Variants in BIN3 observed in about 807,000 individuals in gnomAD.
BIN3 encodes the protein bridging integrator 3.
In BIN3, 41 loss-of-function variants were observed where a neutral mutation model predicts 38.2. The observed-to-expected ratio is 1.07, with a 90% CI of 0.84 to 1.39. The LOEUF (loss-of-function observed/expected upper bound fraction) is 1.39, where lower values mean the gene tolerates loss of function less well. Among genes scored for constraint, BIN3 ranks in the 40% most tolerant of loss-of-function variants. The probability of loss-of-function intolerance (pLI) is 0.00; values close to 1 mark genes in which losing one functional copy is unlikely to be tolerated. For synonymous variants in BIN3, 145 were observed against 122.6 expected (o/e 1.18, Z -1.21); for missense variants, 361 against 324.3 (o/e 1.11, Z -0.87).
rs1019789946 is a variant in BIN3 at position 22,621,312 on chromosome 8, A to G, written c.*110T>C. ...ATTCATTGCAAAGGGCCGGCAAGTG[A>G]ACCAGGGCCACCTCTGTCCCCAGCC... On this transcript the variant is annotated 3_prime_UTR_variant, in exon 9 of 9. Transcript: ENST00000276416. 26 of 1,409,490 alleles carry G rather than the reference A, an allele frequency of 1.8e-5. No individual in the cohort carries two copies. The African/African-American group carries it at 2.9e-4, about 16-fold the overall frequency. 87.3% of individuals were successfully genotyped at this position (1,409,490 alleles called of 1,614,324 possible). A position where few individuals can be genotyped will look rare whatever the true frequency, so the allele number is the denominator to read the frequency against.
At chr8:22,635,080 C>G (rs905500703) in intron 4 of BIN3, among the ~76,000 whole-genome samples, 1 of 152,190 alleles carries the variant, frequency 6.6e-6, no homozygotes, top group Non-Finnish European at 1.5e-5. Flanking sequence ...GGTCAGCGTG[C>G]ACCACCTTAG....
chr8:22,634,005 T>C (rs2003908), intron 4 of BIN3, among the ~76,000 whole-genome samples: 101,536 of 152,152 alleles, frequency 0.67, 34,158 homozygotes, highest in East Asian at 0.77. Flanking sequence ...TCCACAGCCA[T>C]GGACGGTGCG....
rs772201020 is a variant in BIN3, at chr8:22,621,598, C to T, written c.616-30G>A. 1.9e-6 allele frequency: 3 copies of T among 1,609,178 alleles called. No homozygotes were observed. The African/African-American group carries it at 4.0e-5, about 21-fold the overall frequency. ...GGGAGGCGACAGGGGTTGGCACGTGCTGGCTCCAGGGAACCGTGTGCTTCA... is the reference window on the plus strand; with the variant it reads ...GGGAGGCGACAGGGGTTGGCACGTGTTGGCTCCAGGGAACCGTGTGCTTCA... On this transcript the variant is annotated intron_variant, in intron 8 of 8. Coordinates refer to ENST00000276416, the MANE Select transcript of BIN3 (RefSeq NM_018688.6).
intron 3 of BIN3, 88 bp from the exon 4 acceptor site, chr8:22,636,674 G>A: frequency 7.4e-7 from 1 of 1,357,768 alleles, no homozygotes; most frequent in Non-Finnish European, 1.0e-6. Flanking sequence ...CTGCCAAGGA[G>A]GAGGAGAAAG....
At chr8:22,665,833 T>A (rs1010500440) in intron 1 of BIN3, among the ~76,000 whole-genome samples, 4 of 152,020 alleles carry the variant, frequency 2.6e-5, no homozygotes, top group Non-Finnish European at 5.9e-5. Flanking sequence ...AACACCAAAG[T>A]GTGAAGGGCA....
At chr8:22,627,328 T>G (rs1263704040) in intron 6 of BIN3, among the ~76,000 whole-genome samples, 3 of 141,894 alleles carry the variant, frequency 2.1e-5, no homozygotes, top group African/African-American at 2.6e-5. Flanking sequence ...ACCAGGACTC[T>G]GTCACATCTG....
At chr8:22,660,569 C>T (rs1372732469) in intron 1 of BIN3, among the ~76,000 whole-genome samples, 5 of 152,232 alleles carry the variant, frequency 3.3e-5, no homozygotes, top group Non-Finnish European at 7.3e-5. Context: ...TGGATGGAAA[C>T]TGACTTCTAG....
At chr8:22,664,748 G>A (rs946984608) in intron 1 of BIN3, among the ~76,000 whole-genome samples, 2 of 152,236 alleles carry the variant, frequency 1.3e-5, no homozygotes, top group Non-Finnish European at 2.9e-5. Flanking sequence ...AAGTTACCAA[G>A]GGGGATCATA....
At position 22,621,475 on chromosome 8, in the gene BIN3, T is replaced by TCTCCCG; in HGVS notation, c.703_708dup (p.Arg235_Glu236dup). ...CGGAGCTCACTGAGTTTGGCCTCGT[T>TCTCCCG]CTCCCGCTCCCGCTGCTCATCGGAG... On this transcript the variant is annotated inframe_insertion, in exon 9 of 9. Transcript: ENST00000276416. 5.0e-6 allele frequency: 8 copies of TCTCCCG among 1,613,866 alleles called. 1 individual carries two copies. The South Asian group carries it at 7.7e-5, about 16-fold the overall frequency.
At chr8:22,658,926 C>T (rs939832816) in intron 1 of BIN3, among the ~76,000 whole-genome samples, 31 of 152,186 alleles carry the variant, frequency 2.0e-4, no homozygotes, top group Admixed American at 7.9e-4. Context: ...GGAAGGTGGG[C>T]GAGAGGCAGC....
chr8:22,648,894 C>CGTATGTATGTATGTATGTAT (rs56065322), intron 1 of BIN3, among the ~76,000 whole-genome samples: 1 of 148,016 alleles, frequency 6.8e-6, no homozygotes, highest in South Asian at 2.2e-4. Context: ...TCCACATCAA[C>CGTATGTATGTATGTATGTAT]GTATGTATGT....
chr8:22,630,035 C>T, intron 5 of BIN3, 31 bp from the exon 6 acceptor site: 1 of 1,597,918 alleles, frequency 6.3e-7, no homozygotes, highest in South Asian at 1.1e-5. Context: ...GACATTAAAA[C>T]TGGTGGGGAG....
chr8:22,628,260 G>T (rs1802067763), intron 6 of BIN3, among the ~76,000 whole-genome samples: 1 of 152,248 alleles, frequency 6.6e-6, no homozygotes, highest in African/African-American at 2.4e-5. Flanking sequence ...GCCCCTGCAG[G>T]GAGGCTGGGG....
chr8:22,627,796 C>G (rs1802051593), intron 6 of BIN3, among the ~76,000 whole-genome samples: 3 of 152,248 alleles, frequency 2.0e-5, no homozygotes, highest in Admixed American at 1.3e-4. Flanking sequence ...GGGGGCAGGT[C>G]AGACAGCCCA....
At chr8:22,625,770 T>A in intron 6 of BIN3, 1 of 200,148 alleles carries the variant, frequency 5.0e-6, no homozygotes, top group South Asian at 1.0e-4. Flanking sequence ...GTATTTTTAG[T>A]GGAGACGGGG....
At chr8:22,621,663 T>G (rs1211555809) in intron 8 of BIN3, 95 bp from the exon 9 acceptor site, 1 of 1,308,430 alleles carries the variant, frequency 7.6e-7, no homozygotes, top group South Asian at 1.3e-5. Flanking sequence ...CCCCCTGCCC[T>G]TACCCATCTG....
In BIN3 at chr8:22,621,116, C is replaced by T. The variant is rs1801785609; in HGVS notation, c.*306G>A. 1 of 328,206 alleles carries T rather than the reference C, an allele frequency of 3.0e-6. No homozygotes were observed. Among genetic ancestry groups the T allele is most frequent in the Non-Finnish European group, 5.6e-6 (1 of 177,978 alleles). 20.3% of individuals were successfully genotyped at this position (328,206 alleles called of 1,614,324 possible). On this transcript the variant is annotated 3_prime_UTR_variant, in exon 9 of 9. Coordinates refer to ENST00000276416, the MANE Select transcript of BIN3 (RefSeq NM_018688.6). ...GACCCCCAACTTAGCCAACGAAGCC[C>T]ATGGCCTCAGAAGGGCTGCAGCTTG... is the stretch of plus-strand genomic sequence containing the variant.
chr8:22,657,242 A>G (rs570654077), intron 1 of BIN3, among the ~76,000 whole-genome samples: 9 of 152,390 alleles, frequency 5.9e-5, no homozygotes, highest in African/African-American at 2.2e-4. Context: ...GTAAAATAAC[A>G]TGCTCTGACT....
At chr8:22,665,389 T>C (rs888857417) in intron 1 of BIN3, among the ~76,000 whole-genome samples, 3 of 152,108 alleles carry the variant, frequency 2.0e-5, no homozygotes, top group African/African-American at 4.8e-5. Flanking sequence ...TGCTAGGGAA[T>C]AGCAATGACC....
Sources: allele counts gnomAD v4.1 joint callset (sites outside exome capture counted in the v4.1 genomes callset), GRCh38; gene constraint gnomAD v4.1.1; transcripts MANE v1.5; gene names NCBI Gene and HGNC (gene_info 2026-07-23, HGNC 2026-07-21).